Variants in MIER1 observed in about 807,000 individuals in gnomAD.
MIER1 encodes the protein MIER1 transcriptional regulator.
In MIER1, 40 loss-of-function variants were observed where a neutral mutation model predicts 75.7. That is an observed-to-expected ratio of 0.53 (90% CI 0.41 to 0.69). The LOEUF (loss-of-function observed/expected upper bound fraction) is 0.69. Among genes scored for constraint, MIER1 ranks in the 30% least tolerant of loss-of-function variants. MIER1 has a pLI of 0.00. For missense variants in MIER1, 574 were observed against 680.2 expected, an observed-to-expected ratio of 0.84 and a Z score of 1.74; for synonymous variants, 213 against 223.4, an observed-to-expected ratio of 0.95 and a Z score of 0.42.
At chr1:66,951,354 C>G (rs1225179590) in intron 4 of MIER1, among the ~76,000 whole-genome samples, 2 of 152,060 alleles carry the variant, frequency 1.3e-5, no homozygotes, top group Non-Finnish European at 2.9e-5. Context: ...GTCTTGAACT[C>G]CTGTGTGCAA....
intron 4 of MIER1, among the ~76,000 whole-genome samples, chr1:66,951,678 C>T (rs1658992858): frequency 6.6e-6 from 1 of 152,062 alleles, no homozygotes; most frequent in South Asian, 2.1e-4. Flanking sequence ...TTCCTGCGTT[C>T]ATGCCTTTCT....
At chr1:66,937,881 A>G (rs868153358) in intron 2 of MIER1, among the ~76,000 whole-genome samples, 9 of 152,206 alleles carry the variant, frequency 5.9e-5, no homozygotes, top group Admixed American at 3.9e-4. Flanking sequence ...AAACATATAG[A>G]ACAGAATTTT....
intron 8 of MIER1, among the ~76,000 whole-genome samples, chr1:66,969,608 G>C (rs1351547563): frequency 2.1e-5 from 3 of 142,984 alleles, no homozygotes; most frequent in Non-Finnish European, 3.0e-5. Flanking sequence ...TGCTTAATTA[G>C]CTGTTAATTT....
chr1:66,925,312 C>T, intron 1 of MIER1: 4 of 985,352 alleles, frequency 4.1e-6, no homozygotes, highest in Non-Finnish European at 4.8e-6. Context: ...TCCCTCTGGC[C>T]ATCGACTGCC....
At position 66,985,171 on chromosome 1, in the gene MIER1, A is replaced by C; in HGVS notation, c.*271A>C. On this transcript the variant is annotated 3_prime_UTR_variant, in exon 14 of 14. Transcript: ENST00000401041. ...CTTCTCATTTGAATATCTTTAGTTC[A>C]TTCAGATTTACTAATTTTGGTAAAT... 3 of 997,986 alleles carry C rather than the reference A, an allele frequency of 3.0e-6. No homozygotes were observed. Among genetic ancestry groups the C allele is most frequent in the Non-Finnish European group, 3.6e-6 (3 of 825,336 alleles). 61.8% of individuals were successfully genotyped at this position (997,986 alleles called of 1,614,324 possible).
intron 4 of MIER1, among the ~76,000 whole-genome samples, chr1:66,957,806 G>C (rs1280850539): frequency 6.6e-6 from 1 of 151,820 alleles, no homozygotes; most frequent in African/African-American, 2.4e-5. Context: ...GTTAGACCAA[G>C]GCCACTTTTT....
At chr1:66,926,541 C>CA (rs201496882) in intron 2 of MIER1, among the ~76,000 whole-genome samples, 2 of 152,058 alleles carry the variant, frequency 1.3e-5, no homozygotes, top group Admixed American at 1.3e-4. Flanking sequence ...GCATTAATAA[C>CA]AAAAAATGAA....
At chr1:66,973,693 T>G (rs1664145569) in intron 11 of MIER1, among the ~76,000 whole-genome samples, 1 of 152,132 alleles carries the variant, frequency 6.6e-6, no homozygotes, top group Non-Finnish European at 1.5e-5. Context: ...GAAAAATGTG[T>G]TGTTTCCATG....
At chr1:66,961,752 A>G (rs971655047) in intron 7 of MIER1, among the ~76,000 whole-genome samples, 15 of 152,204 alleles carry the variant, frequency 9.9e-5, no homozygotes, top group Admixed American at 9.8e-4. Context: ...TAGGTGAGTT[A>G]AGTTAAAAGA....
intron 7 of MIER1, 49 bp downstream of exon 7, chr1:66,959,792 T>A (rs900737253): frequency 3.2e-6 from 3 of 929,292 alleles, no homozygotes; most frequent in Non-Finnish European, 4.6e-6. Context: ...AATATTTTTT[T>A]AAAAAGCCTC....
intron 11 of MIER1, 43 bp downstream of exon 11, chr1:66,973,034 G>T: frequency 9.6e-7 from 1 of 1,043,324 alleles, no homozygotes; most frequent in South Asian, 1.3e-5. Context: ...AAATTTAGTT[G>T]AACAACTCAA....
At chr1:66,976,062 A>C (rs1280140342) in intron 11 of MIER1, among the ~76,000 whole-genome samples, 4 of 151,906 alleles carry the variant, frequency 2.6e-5, no homozygotes, top group Non-Finnish European at 5.9e-5. Context: ...ATCTCAGCTT[A>C]ATGCAGCCTC....
chr1:66,930,464 G>A, intron 2 of MIER1: 1 of 1,565,678 alleles, frequency 6.4e-7, no homozygotes, highest in Admixed American at 1.8e-5. Flanking sequence ...GGCCGGGGAG[G>A]AGTGGAGTGG....
chr1:66,926,953 A>G (rs1440068215), intron 2 of MIER1, among the ~76,000 whole-genome samples: 1 of 152,120 alleles, frequency 6.6e-6, no homozygotes, highest in African/African-American at 2.4e-5. Flanking sequence ...TATTTGAATC[A>G]GGTGTTGGTA....
intron 3 of MIER1, 78 bp downstream of exon 3, chr1:66,940,130 T>C: frequency 9.6e-7 from 1 of 1,039,688 alleles, no homozygotes; most frequent in Non-Finnish European, 1.5e-6. Context: ...CTAGAGGAGT[T>C]AGACTATTAT....
intron 12 of MIER1, among the ~76,000 whole-genome samples, chr1:66,980,267 A>G (rs563109330): frequency 2.0e-5 from 3 of 152,352 alleles, no homozygotes; most frequent in Admixed American, 2.0e-4. Flanking sequence ...GAAGTCTTCA[A>G]GACCATCTAA....
At chr1:66,945,269 A>ATG (rs1332304939) in intron 3 of MIER1, among the ~76,000 whole-genome samples, 8 of 2,638 alleles carry the variant, frequency 3.0e-3, no homozygotes, top group Non-Finnish European at 0.017. Flanking sequence ...TGGTGTGTGT[A>ATG]TATATATATA....
At chr1:66,936,525 G>A (rs1654881853) in intron 2 of MIER1, among the ~76,000 whole-genome samples, 1 of 151,946 alleles carries the variant, frequency 6.6e-6, no homozygotes, top group Non-Finnish European at 1.5e-5. Context: ...GAGCCACCGT[G>A]CCCACCTTAG....
At chr1:66,932,147 A>G (rs1437855147) in intron 2 of MIER1, among the ~76,000 whole-genome samples, 6 of 152,198 alleles carry the variant, frequency 3.9e-5, no homozygotes, top group African/African-American at 1.4e-4. Flanking sequence ...AAAATTAAAG[A>G]TGGTTGCGTT....
Sources: allele counts gnomAD v4.1 joint callset (sites outside exome capture counted in the v4.1 genomes callset), GRCh38; gene constraint gnomAD v4.1.1; transcripts MANE v1.5; gene names NCBI Gene and HGNC (gene_info 2026-07-23, HGNC 2026-07-21).